The following ASB9 variants were observed in gnomAD, a reference collection of about 807,000 sequenced individuals.
ASB9 encodes ankyrin repeat and SOCS box containing 9.
A neutral mutation model predicts 16.6 loss-of-function variants in ASB9; 5 were observed. That is an observed-to-expected ratio of 0.30 (90% CI 0.16 to 0.63). ASB9 has a LOEUF of 0.63. ASB9 is among the 30% of genes least tolerant of loss of function. ASB9 has a pLI of 0.82. For synonymous variants in ASB9, 100 were observed against 86.4 expected, an observed-to-expected ratio of 1.16 and a Z score of -0.87; for missense variants, 216 against 229.4, an observed-to-expected ratio of 0.94 and a Z score of 0.38.
chrX:15,262,125 CT>C (rs57262759), intron 1 of ASB9, among the ~76,000 whole-genome samples: 3,583 of 93,245 alleles, frequency 0.038, 104 homozygotes, highest in African/African-American at 0.093. Context: ...TACTTCATTC[CT>C]TTTTTTTTTT....
intron 1 of ASB9, among the ~76,000 whole-genome samples, chrX:15,263,947 T>G (rs1399719736): frequency 9.0e-6 from 1 of 111,493 alleles, no homozygotes; most frequent in East Asian, 2.8e-4. Flanking sequence ...TCAATGTATT[T>G]TCCTAAGTTT....
chrX:15,266,560 G>C (rs1276619016), intron 1 of ASB9, among the ~76,000 whole-genome samples: 1 of 111,805 alleles, frequency 8.9e-6, no homozygotes, highest in Non-Finnish European at 1.9e-5. Context: ...GTAAAAACTT[G>C]TTGACTTTAC....
chrX:15,258,709 A>C (rs1256676653), intron 2 of ASB9, among the ~76,000 whole-genome samples, 157 bp downstream of exon 2: 3 of 112,500 alleles, frequency 2.7e-5, no homozygotes, highest in African/African-American at 9.7e-5. Flanking sequence ...ATATCTCAAA[A>C]TCTATACTCA....
chrX:15,258,736 T>C, intron 2 of ASB9, 130 bp downstream of exon 2: 1 of 474,369 alleles, frequency 2.1e-6, no homozygotes, highest in Non-Finnish European at 3.7e-6. Context: ...TTAGACGTTA[T>C]GGTAGTTACT....
chrX:15,263,767 A>G (rs1024855869), intron 1 of ASB9, among the ~76,000 whole-genome samples: 1 of 111,375 alleles, frequency 9.0e-6, no homozygotes, highest in Admixed American at 9.6e-5. Flanking sequence ...TACCTGTTCT[A>G]GCTTGTCTTC....
At chrX:15,249,611 C>A (rs1354294387) in intron 5 of ASB9, among the ~76,000 whole-genome samples, 1 of 112,513 alleles carries the variant, frequency 8.9e-6, no homozygotes, top group Non-Finnish European at 1.9e-5. Context: ...GAGCTGCCAT[C>A]CCTCTGGTAA....
intron 4 of ASB9, among the ~76,000 whole-genome samples, chrX:15,251,678 T>G (rs16979805): frequency 0.012 from 1,393 of 111,971 alleles, 31 homozygotes; most frequent in African/African-American, 0.043. Flanking sequence ...CTTGTGATTT[T>G]ATGAGCTAAG....
chrX:15,244,659 C>T lies in ASB9; in HGVS notation c.761-29G>A, dbSNP rs1430363033. 28 of 1,150,757 alleles carry T rather than the reference C, an allele frequency of 2.4e-5. No individual in the cohort carries two copies. In the Admixed American group the frequency reaches 6.3e-4, roughly 26 times the overall value. 94.8% of individuals were successfully genotyped at this position (1,150,757 alleles called of 1,213,427 possible). A position where few individuals can be genotyped will look rare whatever the true frequency, so the allele number is the denominator to read the frequency against. ...GAGAAAGATCATAAGACAAGTCATA[C>T]AATGGTGCTATTGATCTAAGACTCC... is the stretch of plus-strand genomic sequence containing the variant. On this transcript the variant is annotated intron_variant, in intron 6 of 6. Transcript: ENST00000380488.
chrX:15,250,122 G>A (rs1244803912), intron 5 of ASB9, among the ~76,000 whole-genome samples: 1 of 111,305 alleles, frequency 9.0e-6, no homozygotes, highest in Non-Finnish European at 1.9e-5. Flanking sequence ...AATGTGACTG[G>A]CCAAATGGAG....
chrX:15,253,636 T>C (rs1925310049), intron 3 of ASB9, among the ~76,000 whole-genome samples: 1 of 111,831 alleles, frequency 8.9e-6, no homozygotes, highest in Non-Finnish European at 1.9e-5. Context: ...AACTGGTTAA[T>C]GTCCTATAGG....
At chrX:15,248,622 T>A (rs1362087014) in intron 6 of ASB9, 122 bp downstream of exon 6, 4 of 1,067,071 alleles carry the variant, frequency 3.7e-6, no homozygotes, top group Non-Finnish European at 5.0e-6. Flanking sequence ...TTCCCAGATT[T>A]GGTGATGTCA....
chrX:15,254,760 T>C lies in ASB9; in HGVS notation c.259A>G (p.Ile87Val), dbSNP rs200623594. The C allele has an allele frequency of 1.2e-5, 15 of 1,208,159 alleles. No homozygotes were observed. The East Asian group carries it at 4.1e-4, about 33-fold the overall frequency. The change falls in exon 3 of 7, where the codon ATT becomes GTT. Residue 87 changes from isoleucine to valine, a missense_variant. Coordinates refer to ENST00000380488, the MANE Select transcript of ASB9 (RefSeq NM_001031739.3). ...ACCTGAGCTCCATGCTTTAATAAAA[T>C]CTTCACACAAGAGAGATGACCTCCA... ...CLGGHLSCVK[I>V]LLKHGAQVNG...
chrX:15,254,510 T>C (rs1370840167), intron 3 of ASB9, among the ~76,000 whole-genome samples: 1 of 112,276 alleles, frequency 8.9e-6, no homozygotes, highest in Non-Finnish European at 1.9e-5. Flanking sequence ...TATTTATTAG[T>C]AGTGTATGAT....
intron 1 of ASB9, among the ~76,000 whole-genome samples, chrX:15,265,439 T>C (rs1372765152): frequency 8.9e-6 from 1 of 112,300 alleles, no homozygotes; most frequent in Non-Finnish European, 1.9e-5. Context: ...CGCTGATTTA[T>C]CTTTCCTTTG....
chrX:15,259,653 C>G (rs1925826273), intron 1 of ASB9, among the ~76,000 whole-genome samples: 1 of 111,781 alleles, frequency 8.9e-6, no homozygotes, highest in South Asian at 3.7e-4. Context: ...TTGAGCAGCC[C>G]TAATATATAA....
chrX:15,254,461 A>G (rs754489686), intron 3 of ASB9, among the ~76,000 whole-genome samples: 1 of 112,301 alleles, frequency 8.9e-6, no homozygotes, highest in South Asian at 3.7e-4. Flanking sequence ...ATATTTCATT[A>G]CCTTCCGGCC....
In ASB9 at chrX:15,250,557, C is replaced by T; in HGVS notation, c.441G>A (p.Val147=). ...AAGCTATAAGAGAGTTGACACACTC[C>T]ACGTGGCCTGCAGCCCAAAGCAGGA... ...PIHEAARRGH[V]ECVNSLIAYG... is the part of the protein sequence containing the mutation. Residue 147 remains valine (V), a synonymous_variant, in exon 5 of 7, where the codon GTG becomes GTA. Coordinates refer to ENST00000380488, the MANE Select transcript of ASB9 (RefSeq NM_001031739.3). 3 of 1,205,084 alleles carry T rather than the reference C, an allele frequency of 2.5e-6. No individual in the cohort carries two copies. Among genetic ancestry groups the T allele is most frequent in the Non-Finnish European group, 3.4e-6 (3 of 892,088 alleles).
rs1328572957 is a variant in ASB9, at chrX:15,254,821, C to T, written c.198G>A (p.Thr66=). The T allele has an allele frequency of 4.1e-6, 5 of 1,206,719 alleles. No homozygotes were observed. Among genetic ancestry groups the T allele is most frequent in the African/African-American group, 1.8e-5 (1 of 56,712 alleles). ...ISQGWAVNII[T]ADHVSPLHEA... is the part of the protein sequence containing the mutation. ...CATGGAGTGGGGAAACATGATCTGC[C>T]GTGATGATGTTCACAGCCCACCCCT... Residue 66 remains threonine, a synonymous_variant, in exon 3 of 7, where the codon ACG becomes ACA. Coordinates refer to ENST00000380488, the MANE Select transcript of ASB9 (RefSeq NM_001031739.3).
At chrX:15,263,911 G>T (rs753417461) in intron 1 of ASB9, among the ~76,000 whole-genome samples, 2 of 111,509 alleles carry the variant, frequency 1.8e-5, no homozygotes, top group Non-Finnish European at 3.8e-5. Flanking sequence ...CCTGCTTGGT[G>T]GAATTATGGG....
Sources: gnomAD v4.1 joint callset for allele counts (sites outside exome capture counted in the v4.1 genomes callset) on GRCh38, gnomAD v4.1.1 for gene constraint, MANE v1.5 for transcripts, NCBI Gene and HGNC (gene_info 2026-07-23, HGNC 2026-07-21) for gene names.